The following TAOK3 variants were observed in gnomAD, a reference collection of about 807,000 sequenced individuals.
TAOK3 encodes the protein serine/threonine-protein kinase TAO3.
In TAOK3, 40 loss-of-function variants were observed where a neutral mutation model predicts 120.4. The observed-to-expected ratio is 0.33, with a 90% CI of 0.26 to 0.43. The LOEUF (loss-of-function observed/expected upper bound fraction) is 0.43. TAOK3 is among the 20% of genes least tolerant of loss of function. The probability of loss-of-function intolerance (pLI) is 1.00; values close to 1 mark genes in which losing one functional copy is unlikely to be tolerated. For synonymous variants in TAOK3, 355 were observed against 387.5 expected (o/e 0.92, Z 0.99); for missense variants, 821 against 1,112.1 (o/e 0.74, Z 3.72).
intron 1 of TAOK3, among the ~76,000 whole-genome samples, chr12:118,296,784 T>C (rs1256068715): frequency 6.6e-6 from 1 of 152,236 alleles, no homozygotes. Flanking sequence ...CATCTAGCTA[T>C]TGAGCAGCTG....
At chr12:118,207,846 C>A (rs1401122330) in intron 11 of TAOK3, among the ~76,000 whole-genome samples, 1 of 88,644 alleles carries the variant, frequency 1.1e-5, no homozygotes, top group Non-Finnish European at 2.5e-5. Flanking sequence ...GGCAACGGCG[C>A]GAGACTCTGT....
At chr12:118,177,135 T>G in intron 16 of TAOK3, 66 bp downstream of exon 16, 1 of 1,498,634 alleles carries the variant, frequency 6.7e-7, no homozygotes, top group Non-Finnish European at 9.2e-7. Context: ...CAATGCAAGA[T>G]GAGTGAATGT....
chr12:118,265,364 G>A (rs1242302903), intron 2 of TAOK3, among the ~76,000 whole-genome samples: 3 of 147,452 alleles, frequency 2.0e-5, no homozygotes, highest in African/African-American at 5.0e-5. Context: ...ACTCCAGCCT[G>A]GGTGACAGAG....
At chr12:118,365,557 C>G (rs2045720356) in intron 1 of TAOK3, among the ~76,000 whole-genome samples, 1 of 152,174 alleles carries the variant, frequency 6.6e-6, no homozygotes, top group South Asian at 2.1e-4. Flanking sequence ...CTCTTTAGTA[C>G]CTTTTAGATA....
At chr12:118,286,618 G>T (rs901414307) in intron 1 of TAOK3, among the ~76,000 whole-genome samples, 1 of 151,760 alleles carries the variant, frequency 6.6e-6, no homozygotes, top group Admixed American at 6.6e-5. Context: ...TGCACGGCTG[G>T]TGGGAATGTA....
At chr12:118,360,567 C>CA (rs34592832) in intron 1 of TAOK3, among the ~76,000 whole-genome samples, 47,836 of 86,146 alleles carry the variant, frequency 0.56, 12,510 homozygotes, top group East Asian at 0.69. Flanking sequence ...GACTCCGTCT[C>CA]AAAAAAAAAA....
intron 1 of TAOK3, among the ~76,000 whole-genome samples, chr12:118,286,053 G>A (rs1005230589): frequency 4.6e-5 from 7 of 152,148 alleles, no homozygotes; most frequent in African/African-American, 1.7e-4. Context: ...GTGAGCAGAG[G>A]GGTGACCCTG....
intron 3 of TAOK3, among the ~76,000 whole-genome samples, chr12:118,249,478 C>CT (rs1414002044): frequency 6.6e-6 from 1 of 151,254 alleles, no homozygotes; most frequent in East Asian, 1.9e-4. Flanking sequence ...AGAAGAACTG[C>CT]TTGTACCCAG....
At chr12:118,199,517 T>C in intron 12 of TAOK3, 1 of 515,386 alleles carries the variant, frequency 1.9e-6, no homozygotes. Context: ...GGCTTTCCCC[T>C]GTCATACACA....
At chr12:118,319,899 T>C (rs1287671977) in intron 1 of TAOK3, among the ~76,000 whole-genome samples, 2 of 152,192 alleles carry the variant, frequency 1.3e-5, no homozygotes, top group African/African-American at 2.4e-5. Context: ...TGTATGCCAA[T>C]GTTCATACCA....
intron 15 of TAOK3, 126 bp downstream of exon 15, chr12:118,181,245 A>C: frequency 2.5e-6 from 2 of 784,922 alleles, no homozygotes; most frequent in South Asian, 3.3e-5. Flanking sequence ...CTAGAAACCC[A>C]ATTTTGCCAC....
intron 1 of TAOK3, among the ~76,000 whole-genome samples, chr12:118,326,397 G>A (rs902800380): frequency 5.3e-5 from 8 of 152,000 alleles, no homozygotes; most frequent in Non-Finnish European, 1.0e-4. Flanking sequence ...GGTTACTATC[G>A]TTCTGTAGTA....
rs1248572633 is a variant in TAOK3, at chr12:118,201,310, G to A, written c.973C>T (p.Gln325Ter). 6.2e-7 allele frequency: 1 copy of A among 1,613,308 alleles called. No homozygotes were observed. The highest frequency in any genetic ancestry group is 2.2e-5 in the East Asian group (1 of 44,868). ...ATTGAACCTACTTCCTCATCCTCCT[G>A]TGACTCATTCAAGGGTCCATTCCGT... ...ETRNGPLNES[Q>*]EDEEDSEHGT... Residue 325 changes from glutamine (Q) to a stop codon, truncating the protein, a stop_gained, in exon 12 of 21, where the codon CAG becomes TAG. Transcript: ENST00000392533. LOFTEE classifies it high-confidence loss of function.
At chr12:118,234,761 A>C (rs931982051) in intron 8 of TAOK3, among the ~76,000 whole-genome samples, 5 of 152,206 alleles carry the variant, frequency 3.3e-5, no homozygotes, top group African/African-American at 1.2e-4. Context: ...GAGCCATATA[A>C]AGCAATATAA....
intron 1 of TAOK3, among the ~76,000 whole-genome samples, chr12:118,296,109 T>C (rs1388941042): frequency 1.3e-5 from 2 of 152,198 alleles, no homozygotes; most frequent in East Asian, 3.8e-4. Flanking sequence ...AAACATTAAA[T>C]GTGGCAAACA....
At chr12:118,201,970 A>G (rs1781188507) in intron 11 of TAOK3, among the ~76,000 whole-genome samples, 1 of 151,672 alleles carries the variant, frequency 6.6e-6, no homozygotes, top group Non-Finnish European at 1.5e-5. Flanking sequence ...TCCATTCCCC[A>G]TCCCTTTCAA....
intron 12 of TAOK3, chr12:118,199,810 C>T: frequency 6.3e-6 from 1 of 158,336 alleles, no homozygotes; most frequent in Admixed American, 5.9e-5. Flanking sequence ...GTCTGCCTCC[C>T]TCAAGCGATT....
intron 15 of TAOK3, 152 bp from the exon 16 acceptor site, chr12:118,177,481 T>TG: frequency 1.7e-6 from 1 of 585,400 alleles, no homozygotes; most frequent in East Asian, 3.3e-5. Flanking sequence ...TCTGATTTTC[T>TG]TGTATCTTAA....
rs1352521755 is a variant in TAOK3, at chr12:118,214,016, C to G, written c.737+1G>C. 1 of 1,603,648 alleles carries G rather than the reference C, an allele frequency of 6.2e-7. No individual in the cohort carries two copies. The highest frequency in any genetic ancestry group is 1.3e-5 in the African/African-American group (1 of 74,518). On this transcript the variant is annotated splice_donor_variant, in intron 10 of 20. Coordinates refer to ENST00000392533, the MANE Select transcript of TAOK3 (RefSeq NM_016281.4). LOFTEE classifies it high-confidence loss of function. ...GATTTAAAATGATAGCAGAGTCTTA[C>G]CATTCATTAGACTGTAACGTTGGGG...
Sources: gnomAD v4.1 joint callset for allele counts (sites outside exome capture counted in the v4.1 genomes callset) on GRCh38, gnomAD v4.1.1 for gene constraint, MANE v1.5 for transcripts, NCBI Gene and HGNC (gene_info 2026-07-23, HGNC 2026-07-21) for gene names.